Variants in PCDH9 observed in about 807,000 individuals in gnomAD.
PCDH9 encodes the protein protocadherin-9.
Under a neutral mutation model 70.6 loss-of-function variants are expected in PCDH9, and 24 were observed. The observed-to-expected ratio is 0.34, with a 90% CI of 0.25 to 0.48. The LOEUF is 0.48. Ranked by LOEUF, PCDH9 falls within the 20% of genes least tolerant of loss-of-function variation. The pLI is 0.99. For synonymous variants in PCDH9, 562 were observed against 558.5 expected (o/e 1.01, Z -0.09); for missense variants, 1,281 against 1,503.6 (o/e 0.85, Z 2.45).
chr13:66,670,691 G>GT (rs1291928213), intron 3 of PCDH9, among the ~76,000 whole-genome samples: 2 of 151,970 alleles, frequency 1.3e-5, no homozygotes, highest in Non-Finnish European at 2.9e-5. Context: ...AATTTTGCCT[G>GT]TTTTCATACA....
chr13:67,019,920 G>C (rs1315896359), intron 2 of PCDH9, among the ~76,000 whole-genome samples: 2 of 152,186 alleles, frequency 1.3e-5, no homozygotes, highest in Non-Finnish European at 2.9e-5. Context: ...TCTGGATAAA[G>C]CAATTTCTAC....
At chr13:66,714,522 G>C (rs1034151514) in intron 3 of PCDH9, among the ~76,000 whole-genome samples, 2 of 151,444 alleles carry the variant, frequency 1.3e-5, no homozygotes, top group Non-Finnish European at 2.9e-5. Context: ...GCAGTTTTAC[G>C]GTTCAACAAA....
At chr13:66,389,558 G>T (rs1458746374) in intron 4 of PCDH9, among the ~76,000 whole-genome samples, 2 of 152,070 alleles carry the variant, frequency 1.3e-5, no homozygotes, top group South Asian at 2.1e-4. Flanking sequence ...AACTTTAATG[G>T]TATATAAATT....
At chr13:66,878,046 C>T (rs1173548358) in intron 3 of PCDH9, among the ~76,000 whole-genome samples, 2 of 151,952 alleles carry the variant, frequency 1.3e-5, no homozygotes, top group Admixed American at 6.6e-5. Flanking sequence ...TTTTTTAAAA[C>T]TTTCATGAAT....
chr13:66,727,295 A>C (rs2079018187), intron 3 of PCDH9, among the ~76,000 whole-genome samples: 1 of 152,164 alleles, frequency 6.6e-6, no homozygotes, highest in Non-Finnish European at 1.5e-5. Context: ...AAAAATTTTA[A>C]ACCCTTAATA....
At chr13:66,728,100 T>C (rs1388245691) in intron 3 of PCDH9, among the ~76,000 whole-genome samples, 1 of 152,206 alleles carries the variant, frequency 6.6e-6, no homozygotes, top group East Asian at 1.9e-4. Context: ...CTATTTTTCA[T>C]AATAAGCCTT....
At chr13:66,998,419 T>C (rs2084167735) in intron 2 of PCDH9, among the ~76,000 whole-genome samples, 1 of 152,334 alleles carries the variant, frequency 6.6e-6, no homozygotes, top group African/African-American at 2.4e-5. Context: ...CTCTGCTCAC[T>C]CTTCTGAGTT....
Position 66,903,488 on chromosome 13 carries a change from T to C in PCDH9, c.3138+16A>G, listed in dbSNP as rs879474440. ...TTTATCAGTACTAACATGTTCTCTATAGATATATGGCATACCTCGTAATGG... is the reference window on the plus strand; with the variant it reads ...TTTATCAGTACTAACATGTTCTCTACAGATATATGGCATACCTCGTAATGG... On this transcript the variant is annotated intron_variant, in intron 3 of 4. Coordinates refer to ENST00000377865, the MANE Select transcript of PCDH9 (RefSeq NM_203487.3). The C allele has an allele frequency of 2.8e-6, 3 of 1,084,532 alleles. No homozygotes were observed. Among genetic ancestry groups the C allele is most frequent in the East Asian group, 2.4e-5 (1 of 41,806 alleles). 67.2% of individuals were successfully genotyped at this position (1,084,532 alleles called of 1,614,324 possible).
At chr13:67,071,423 G>A (rs2085759726) in intron 2 of PCDH9, among the ~76,000 whole-genome samples, 1 of 152,050 alleles carries the variant, frequency 6.6e-6, no homozygotes, top group African/African-American at 2.4e-5. Context: ...CCAAAACCTT[G>A]GTAGGGATAT....
intron 2 of PCDH9, among the ~76,000 whole-genome samples, chr13:67,053,807 A>G (rs1221793770): frequency 6.6e-6 from 1 of 152,220 alleles, no homozygotes; most frequent in Non-Finnish European, 1.5e-5. Context: ...CAAAAATCTC[A>G]TGATTACTTG....
chr13:67,099,914 T>C (rs1326538802), intron 2 of PCDH9, among the ~76,000 whole-genome samples: 1 of 152,194 alleles, frequency 6.6e-6, no homozygotes, highest in Non-Finnish European at 1.5e-5. Context: ...CAATGAAATA[T>C]AATAATGGGT....
At chr13:67,143,530 T>C (rs939295561) in intron 2 of PCDH9, among the ~76,000 whole-genome samples, 3 of 152,168 alleles carry the variant, frequency 2.0e-5, no homozygotes, top group Admixed American at 6.6e-5. Flanking sequence ...TGAATAGTAA[T>C]ATTCACCCAT....
intron 4 of PCDH9, among the ~76,000 whole-genome samples, chr13:66,598,977 A>C (rs1334523546): frequency 6.6e-6 from 1 of 151,918 alleles, no homozygotes; most frequent in East Asian, 1.9e-4. Flanking sequence ...AGCTTTCCTT[A>C]GAGCTGCCCT....
At chr13:67,056,460 G>C (rs965419463) in intron 2 of PCDH9, among the ~76,000 whole-genome samples, 1 of 152,124 alleles carries the variant, frequency 6.6e-6, no homozygotes, top group African/African-American at 2.4e-5. Context: ...CAATATTACA[G>C]ATGATAAAGA....
chr13:66,379,432 G>A (rs547428376), intron 4 of PCDH9, among the ~76,000 whole-genome samples: 29 of 152,268 alleles, frequency 1.9e-4, no homozygotes, highest in African/African-American at 4.8e-4. Context: ...TTAGTGTCAC[G>A]TCACTCATTA....
intron 3 of PCDH9, among the ~76,000 whole-genome samples, chr13:66,846,730 GT>G (rs959027828): frequency 3.3e-5 from 5 of 152,034 alleles, no homozygotes; most frequent in African/African-American, 7.2e-5. Flanking sequence ...GACTAAGAAA[GT>G]TTTTTAAACA....
intron 4 of PCDH9, among the ~76,000 whole-genome samples, chr13:66,504,286 A>G (rs1314971502): frequency 6.6e-6 from 1 of 152,240 alleles, no homozygotes; most frequent in Non-Finnish European, 1.5e-5. Flanking sequence ...AATCTTAATA[A>G]TTATTGTAAT....
At chr13:67,155,586 A>G (rs1056842707) in intron 2 of PCDH9, among the ~76,000 whole-genome samples, 4 of 152,142 alleles carry the variant, frequency 2.6e-5, no homozygotes, top group African/African-American at 9.7e-5. Flanking sequence ...TGATTTTTTA[A>G]AAGTTATCCT....
At chr13:66,816,060 A>G (rs1471225188) in intron 3 of PCDH9, among the ~76,000 whole-genome samples, 2 of 152,214 alleles carry the variant, frequency 1.3e-5, no homozygotes, top group African/African-American at 4.8e-5. Context: ...ACTTTCCATG[A>G]CATTATTTCA....
Sources: allele counts gnomAD v4.1 joint callset (sites outside exome capture counted in the v4.1 genomes callset), GRCh38; gene constraint gnomAD v4.1.1; transcripts MANE v1.5; gene names NCBI Gene and HGNC (gene_info 2026-07-23, HGNC 2026-07-21).